Variants in PCNX1 observed in about 807,000 individuals in gnomAD.
The protein encoded by PCNX1 is pecanex-like protein 1.
In PCNX1, 78 loss-of-function variants were observed where a neutral mutation model predicts 242.2. The observed-to-expected ratio is 0.32, with a 90% CI of 0.27 to 0.39. PCNX1 has a LOEUF of 0.39. Ranked by LOEUF, PCNX1 falls within the 10% of genes least tolerant of loss-of-function variation. PCNX1 has a pLI of 1.00. For missense variants in PCNX1, 2,581 were observed against 2,856.5 expected, an observed-to-expected ratio of 0.90 and a Z score of 2.20; for synonymous variants, 1,024 against 1,032.9, an observed-to-expected ratio of 0.99 and a Z score of 0.17.
At position 71,011,480 on chromosome 14, in the gene PCNX1, A is replaced by G. The variant is rs1555360947; in HGVS notation, c.2721-12A>G. Reference sequence around the variant, plus strand: ...CTTGACAAACTGTTCCCTATTTTTTATTTTATTTTAGTGACACAGATTCTC... The same window carrying G: ...CTTGACAAACTGTTCCCTATTTTTTGTTTTATTTTAGTGACACAGATTCTC... On this transcript the variant is annotated splice_polypyrimidine_tract_variant and intron_variant, in intron 9 of 35. Coordinates refer to ENST00000304743, the MANE Select transcript of PCNX1 (RefSeq NM_014982.3). 2 of 1,478,082 alleles carry G rather than the reference A, an allele frequency of 1.4e-6. No individual in the cohort carries two copies. Among genetic ancestry groups the G allele is most frequent in the Admixed American group, 1.7e-5 (1 of 58,200 alleles). 91.6% of individuals were successfully genotyped at this position (1,478,082 alleles called of 1,614,324 possible). A position where few individuals can be genotyped will look rare whatever the true frequency, so the allele number is the denominator to read the frequency against.
intron 8 of PCNX1, among the ~76,000 whole-genome samples, chr14:71,006,203 GTC>G (rs1178846406): frequency 1.3e-5 from 2 of 149,790 alleles, no homozygotes; most frequent in African/African-American, 4.9e-5. Flanking sequence ...GCCTGGGCTT[GTC>G]TTGAACTCCT....
chr14:71,076,906 G>A (rs1042505398), intron 28 of PCNX1, among the ~76,000 whole-genome samples: 1 of 152,210 alleles, frequency 6.6e-6, no homozygotes, highest in Admixed American at 6.5e-5. Context: ...CTGAAAAGCC[G>A]AATTGTAAAT....
Position 71,110,142 on chromosome 14 carries a change from T to C in PCNX1, c.*207T>C, listed in dbSNP as rs1190987803. The C allele has an allele frequency of 1.6e-5, 10 of 619,978 alleles. No homozygotes were observed. The highest frequency in any genetic ancestry group is 2.6e-5 in the Non-Finnish European group (9 of 342,608). The allele number at this position is 619,978 out of a possible 1,614,324, so 38.4% of individuals were successfully genotyped here. Reference sequence around the variant, plus strand: ...TCCATCCCCAAATAAAGCTGAAATATTTTTTTAAGTTAGCTGCCGAGAAAA... The same window carrying C: ...TCCATCCCCAAATAAAGCTGAAATACTTTTTTAAGTTAGCTGCCGAGAAAA... On this transcript the variant is annotated 3_prime_UTR_variant, in exon 36 of 36. Transcript: ENST00000304743.
chr14:71,004,572 A>G (rs1409620957), intron 8 of PCNX1, among the ~76,000 whole-genome samples: 1 of 152,218 alleles, frequency 6.6e-6, no homozygotes, highest in Non-Finnish European at 1.5e-5. Flanking sequence ...CCCTGGATCC[A>G]TAGGAAAGTT....
Position 71,089,127 on chromosome 14 carries a change from G to A in PCNX1, c.5439-65G>A, listed in dbSNP as rs536331456. The A allele has an allele frequency of 3.3e-6, 4 of 1,207,748 alleles. No homozygotes were observed. The South Asian group carries it at 4.2e-5, about 13-fold the overall frequency. 74.8% of individuals were successfully genotyped at this position (1,207,748 alleles called of 1,614,324 possible). The stretch of plus-strand genomic sequence containing the variant: ...AGGTGATTCTGATGCACACGCAGAT[G>A]TAAGAATCAGTGTCATGGAAGACCT... On this transcript the variant is annotated intron_variant, in intron 29 of 35. Coordinates refer to ENST00000304743, the MANE Select transcript of PCNX1 (RefSeq NM_014982.3).
intron 8 of PCNX1, among the ~76,000 whole-genome samples, chr14:71,007,493 A>C (rs1289606255): frequency 3.9e-5 from 6 of 152,178 alleles, no homozygotes; most frequent in African/African-American, 1.4e-4. Flanking sequence ...TTATTTCTAA[A>C]ATATGTATAA....
chr14:70,950,586 A>G (rs1420065164), intron 2 of PCNX1, among the ~76,000 whole-genome samples: 2 of 152,144 alleles, frequency 1.3e-5, no homozygotes, highest in South Asian at 2.1e-4. Context: ...TTTAATGACT[A>G]TGACCAGAAA....
At chr14:70,909,068 A>G (rs1382501792) in intron 1 of PCNX1, among the ~76,000 whole-genome samples, 5 of 152,206 alleles carry the variant, frequency 3.3e-5, no homozygotes, top group Admixed American at 3.3e-4. Context: ...TTGTGGAGCT[A>G]GAGACAGGGT....
intron 19 of PCNX1, among the ~76,000 whole-genome samples, chr14:71,039,741 C>T (rs954977371): frequency 6.6e-6 from 1 of 152,184 alleles, no homozygotes; most frequent in African/African-American, 2.4e-5. Flanking sequence ...ATACCCTCTC[C>T]TAAAACCCCG....
intron 8 of PCNX1, among the ~76,000 whole-genome samples, chr14:71,004,522 C>T (rs766651987): frequency 6.6e-6 from 1 of 152,222 alleles, no homozygotes; most frequent in Non-Finnish European, 1.5e-5. Context: ...GCCTGATGAT[C>T]TGAGGTGGAA....
In PCNX1 at chr14:71,026,035, G is replaced by C. The variant is rs139891584; in HGVS notation, c.3184-82G>C. On this transcript the variant is annotated intron_variant, in intron 13 of 35. Coordinates refer to ENST00000304743, the MANE Select transcript of PCNX1 (RefSeq NM_014982.3). ...CATATGGAAAAAGTTTGAATCCTTA[G>C]AATAAAGCCATCAGTGATACCAGTA... 8 of 821,554 alleles carry C rather than the reference G, an allele frequency of 9.7e-6. No individual in the cohort carries two copies. In the East Asian group the frequency reaches 2.2e-4, roughly 23 times the overall value. 50.9% of individuals were successfully genotyped at this position (821,554 alleles called of 1,614,324 possible). A position where few individuals can be genotyped will look rare whatever the true frequency, so the allele number is the denominator to read the frequency against.
intron 26 of PCNX1, among the ~76,000 whole-genome samples, chr14:71,063,941 ACTTT>A (rs1163704893): frequency 6.6e-6 from 1 of 152,082 alleles, no homozygotes; most frequent in Non-Finnish European, 1.5e-5. Context: ...TTCTGATTAC[ACTTT>A]CTTTCATGTT....
intron 1 of PCNX1, among the ~76,000 whole-genome samples, chr14:70,918,102 A>T (rs945842755): frequency 6.6e-6 from 1 of 152,150 alleles, no homozygotes; most frequent in Admixed American, 6.5e-5. Context: ...TAATTAAGGG[A>T]ATGTTGTGGC....
At chr14:70,949,277 G>A (rs1377752132) in intron 2 of PCNX1, among the ~76,000 whole-genome samples, 1 of 37,218 alleles carries the variant, frequency 2.7e-5, no homozygotes, top group African/African-American at 8.0e-5. Flanking sequence ...ATGCACACAC[G>A]TGTATACACA....
intron 1 of PCNX1, among the ~76,000 whole-genome samples, chr14:70,908,265 C>A (rs1196935593): frequency 2.6e-5 from 4 of 151,960 alleles, no homozygotes; most frequent in Non-Finnish European, 5.9e-5. Flanking sequence ...GCGTCCTAGG[C>A]CCCTTCTCGG....
rs1469390766 is a variant in PCNX1 at position 71,019,003 on chromosome 14, C to T, written c.2997-6C>T. On this transcript the variant is annotated splice_polypyrimidine_tract_variant and splice_region_variant and intron_variant, in intron 11 of 35. Transcript: ENST00000304743. ...TATACTTACCCATAAGTTTTTCTGT[C>T]CGTAGAAATCGTGAGATCCTGGAAA... 5 of 1,606,872 alleles carry T rather than the reference C, an allele frequency of 3.1e-6. No homozygotes were observed. The highest frequency in any genetic ancestry group is 1.3e-5 in the African/African-American group (1 of 74,462).
At chr14:71,053,905 A>G (rs2141208894) in intron 24 of PCNX1, among the ~76,000 whole-genome samples, 1 of 152,244 alleles carries the variant, frequency 6.6e-6, no homozygotes, top group South Asian at 2.1e-4. Flanking sequence ...GGATTCTTGT[A>G]TCTACCTGTA....
At chr14:71,018,137 G>A (rs959235212) in intron 11 of PCNX1, among the ~76,000 whole-genome samples, 57 of 151,930 alleles carry the variant, frequency 3.8e-4, no homozygotes, top group African/African-American at 1.4e-3. Context: ...ATCCTCCTAT[G>A]CCCATGGTTT....
chr14:71,051,020 G>A (rs1192443901), intron 23 of PCNX1, among the ~76,000 whole-genome samples: 23 of 151,506 alleles, frequency 1.5e-4, no homozygotes, highest in Admixed American at 1.5e-3. Flanking sequence ...AATACTAAAT[G>A]AGCCGGGTGT....
Sources: gnomAD v4.1 joint callset for allele counts (sites outside exome capture counted in the v4.1 genomes callset) on GRCh38, gnomAD v4.1.1 for gene constraint, MANE v1.5 for transcripts, NCBI Gene and HGNC (gene_info 2026-07-23, HGNC 2026-07-21) for gene names.